SORCS3: variants seen among roughly 807,000 people sequenced by gnomAD.
SORCS3 encodes sortilin related VPS10 domain containing receptor 3, also known as VPS10 domain-containing receptor SorCS3.
Under a neutral mutation model 146.3 loss-of-function variants are expected in SORCS3, and 57 were observed. The observed-to-expected ratio is 0.39, with a 90% CI of 0.31 to 0.49. SORCS3 has a LOEUF of 0.49. Among genes scored for constraint, SORCS3 ranks in the 20% least tolerant of loss-of-function variants. The probability of loss-of-function intolerance (pLI) is 0.92; values close to 1 mark genes in which losing one functional copy is unlikely to be tolerated. For synonymous variants in SORCS3, 653 were observed against 618.5 expected, an observed-to-expected ratio of 1.06 and a Z score of -0.83; for missense variants, 1,341 against 1,575.5, an observed-to-expected ratio of 0.85 and a Z score of 2.52.
chr10:104,827,345 A>G (rs942955919), intron 1 of SORCS3, among the ~76,000 whole-genome samples: 3 of 152,196 alleles, frequency 2.0e-5, no homozygotes, highest in Non-Finnish European at 4.4e-5. Context: ...TCCTTGACTC[A>G]CGGGTACATG....
At chr10:105,257,355 C>T (rs2056937635) in intron 25 of SORCS3, among the ~76,000 whole-genome samples, 1 of 152,130 alleles carries the variant, frequency 6.6e-6, no homozygotes, top group Non-Finnish European at 1.5e-5. Flanking sequence ...TTTTTACCTC[C>T]TGTTGCAGCT....
At chr10:104,889,339 A>C (rs2018725076) in intron 2 of SORCS3, among the ~76,000 whole-genome samples, 1 of 149,154 alleles carries the variant, frequency 6.7e-6, no homozygotes, top group Non-Finnish European at 1.5e-5. Flanking sequence ...TTAAAGTTCT[A>C]GATCATTTAC....
At chr10:105,210,867 T>G (rs958069693) in intron 16 of SORCS3, among the ~76,000 whole-genome samples, 4 of 152,214 alleles carry the variant, frequency 2.6e-5, no homozygotes, top group Non-Finnish European at 5.9e-5. Flanking sequence ...ACCTGCCACA[T>G]TATTTATATC....
In SORCS3 at chr10:104,641,583, G is replaced by T. The variant is rs979252992; in HGVS notation, c.256G>T (p.Gly86Ter). Residue 86 changes from glycine to a stop codon, truncating the protein, a stop_gained, in exon 1 of 27, where the codon GGA (glycine) becomes TGA (stop). Coordinates refer to ENST00000369701, the MANE Select transcript of SORCS3 (RefSeq NM_014978.3). LOFTEE classifies it high-confidence loss of function. The surrounding 1 kb of genome is among the most constrained non-coding windows in gnomAD (Gnocchi z 6.4). Reference protein sequence around the residue: ...RRAAVLGRRAGPELLPQQGGG... With the variant: ...RRAAVLGRRA ...AGCCGCCGTGCTGGGGCGCCGGGCCGGACCAGAGCTGCTGCCCCAGCAGGG... is the reference window on the plus strand; with the variant it reads ...AGCCGCCGTGCTGGGGCGCCGGGCCTGACCAGAGCTGCTGCCCCAGCAGGG... 6.7e-7 allele frequency: 1 copy of T among 1,485,468 alleles called. No homozygotes were observed. Among genetic ancestry groups the T allele is most frequent in the Non-Finnish European group, 8.9e-7 (1 of 1,127,412 alleles). The allele number at this position is 1,485,468 out of a possible 1,614,324, so 92.0% of individuals were successfully genotyped here. A position where few individuals can be genotyped will look rare whatever the true frequency, so the allele number is the denominator to read the frequency against.
At chr10:104,888,941 T>C (rs1242439863) in intron 2 of SORCS3, among the ~76,000 whole-genome samples, 1 of 152,188 alleles carries the variant, frequency 6.6e-6, no homozygotes, top group African/African-American at 2.4e-5. Context: ...CCCTACCTAT[T>C]CCCTACTTTA....
At chr10:104,857,214 A>G (rs2018344514) in intron 2 of SORCS3, among the ~76,000 whole-genome samples, 1 of 151,770 alleles carries the variant, frequency 6.6e-6, no homozygotes, top group South Asian at 2.1e-4. Flanking sequence ...CAGTTCAGGG[A>G]AGGTGACCCA....
chr10:104,711,691 G>A (rs2016418198), intron 1 of SORCS3, among the ~76,000 whole-genome samples: 1 of 152,226 alleles, frequency 6.6e-6, no homozygotes, highest in Non-Finnish European at 1.5e-5. Flanking sequence ...CATAGAGACA[G>A]ATTCAAGGTG....
intron 2 of SORCS3, among the ~76,000 whole-genome samples, chr10:104,892,451 G>A (rs1472092489): frequency 6.6e-6 from 1 of 152,234 alleles, no homozygotes; most frequent in African/African-American, 2.4e-5. Context: ...GCCGGGAGCA[G>A]TGTATCACAC....
chr10:105,026,786 G>A (rs1168995343), intron 4 of SORCS3, among the ~76,000 whole-genome samples: 5 of 152,156 alleles, frequency 3.3e-5, no homozygotes, highest in African/African-American at 4.8e-5. Flanking sequence ...TTGGGTACAC[G>A]TGGACACAAA....
chr10:104,815,448 C>CAT (rs2017786066), intron 1 of SORCS3, among the ~76,000 whole-genome samples: 1 of 79,364 alleles, frequency 1.3e-5, no homozygotes, highest in Non-Finnish European at 2.3e-5. Context: ...GACCCTGTCT[C>CAT]AAAAAAAAAA....
chr10:105,059,438 A>G (rs1463445644), intron 5 of SORCS3, among the ~76,000 whole-genome samples: 1 of 152,228 alleles, frequency 6.6e-6, no homozygotes, highest in Non-Finnish European at 1.5e-5. Context: ...AGTTTTTATT[A>G]ACATTATGAC....
chr10:104,864,250 A>AT (rs2018436103), intron 2 of SORCS3, among the ~76,000 whole-genome samples: 1 of 152,098 alleles, frequency 6.6e-6, no homozygotes, highest in East Asian at 1.9e-4. Context: ...CCTTAAAAAA[A>AT]TTTTTAAAAA....
chr10:104,851,614 C>T (rs2018274862), intron 2 of SORCS3, among the ~76,000 whole-genome samples: 1 of 152,122 alleles, frequency 6.6e-6, no homozygotes, highest in African/African-American at 2.4e-5. Context: ...TGCCAGATGT[C>T]CATGTGTGTA....
intron 1 of SORCS3, among the ~76,000 whole-genome samples, chr10:104,760,434 C>T (rs1326132486): frequency 6.6e-6 from 1 of 152,090 alleles, no homozygotes; most frequent in Admixed American, 6.5e-5. Flanking sequence ...CAAGAAGCAA[C>T]AAAGAAACAA....
intron 1 of SORCS3, among the ~76,000 whole-genome samples, chr10:104,840,725 C>A (rs1033642969): frequency 5.3e-5 from 2 of 37,562 alleles, no homozygotes; most frequent in Non-Finnish European, 9.6e-5. Context: ...AAACTCTTAC[C>A]CTCAGCATCT....
At chr10:105,228,405 TCTTTCTTTCTCTGTTTCTTG>T (rs2056747027) in intron 20 of SORCS3, among the ~76,000 whole-genome samples, 1 of 151,808 alleles carries the variant, frequency 6.6e-6, no homozygotes, top group South Asian at 2.1e-4. Context: ...TTCTGTTTCT[TCTTTCTTTCTCTGTTTCTTG>T]CTTTCTTTCT....
intron 1 of SORCS3, among the ~76,000 whole-genome samples, chr10:104,736,297 T>G (rs528255680): frequency 6.9e-4 from 104 of 151,758 alleles, no homozygotes; most frequent in Admixed American, 2.4e-3. Flanking sequence ...GCGGGGCGGG[T>G]TGAGGGGGGC....
At chr10:104,688,377 G>GA (rs889205676) in intron 1 of SORCS3, among the ~76,000 whole-genome samples, 9 of 152,236 alleles carry the variant, frequency 5.9e-5, no homozygotes, top group African/African-American at 9.6e-5. Context: ...TGGAGGGGGG[G>GA]ACCCAGCCGT....
Position 105,186,884 on chromosome 10 carries a change from CAAA to C in SORCS3, c.2009+8729_2009+8731del, listed in dbSNP as rs35043705. On this transcript the variant is annotated intron_variant, in intron 14 of 26. Transcript: ENST00000369701. ...GGGCAACAAGAGTGAGACTCCATCT[CAAA>C]AAAAAAAAAAAAAAAAATTCCCTCT... is the stretch of plus-strand genomic sequence containing the variant. Among the ~76,000 whole-genome samples, 256 of 101,466 alleles carry C rather than the reference CAAA, an allele frequency of 2.5e-3. 2 individuals carry two copies. The highest frequency in any genetic ancestry group is 6.7e-3 in the African/African-American group (184 of 27,408). The allele number at this position is 101,466 out of a possible 152,430, so 66.6% of individuals were successfully genotyped here. A position where few individuals can be genotyped will look rare whatever the true frequency, so the allele number is the denominator to read the frequency against.
Sources: allele counts gnomAD v4.1 joint callset (sites outside exome capture counted in the v4.1 genomes callset), GRCh38; gene constraint gnomAD v4.1.1; non-coding constraint Gnocchi (gnomAD v3.1); transcripts MANE v1.5; gene names NCBI Gene and HGNC (gene_info 2026-07-23, HGNC 2026-07-21).